The following MAP1B variants were observed in gnomAD, a reference collection of about 807,000 sequenced individuals.
MAP1B encodes microtubule associated protein 1B.
In MAP1B, 12 loss-of-function variants were observed where a neutral mutation model predicts 176.1. The ratio of observed to expected loss-of-function variants is 0.07; its 90% CI spans 0.04 to 0.11. MAP1B has a LOEUF of 0.11. Ranked by LOEUF, MAP1B falls within the 10% of genes least tolerant of loss-of-function variation. The pLI is 1.00. For missense variants in MAP1B, 2,523 were observed against 2,990.5 expected, an observed-to-expected ratio of 0.84 and a Z score of 3.65; for synonymous variants, 1,044 against 1,135.0, an observed-to-expected ratio of 0.92 and a Z score of 1.61.
chr5:72,116,024 A>T, intron 2 of MAP1B: 2 of 447,808 alleles, frequency 4.5e-6, no homozygotes, highest in Non-Finnish European at 8.3e-6. Flanking sequence ...TTTAAGTTCT[A>T]GGGTTGTGTA....
At position 72,186,685 on chromosome 5, in the gene MAP1B, C is replaced by T. The variant is rs377186967; in HGVS notation, c.441C>T (p.Thr147=). The T allele has an allele frequency of 2.9e-5, 47 of 1,613,918 alleles. No homozygotes were observed. Among genetic ancestry groups the T allele is most frequent in the East Asian group, 1.1e-4 (5 of 44,898 alleles). ...LVLTGQCFEN[T]GELILQSGSF... is the part of the protein sequence containing the mutation. The stretch of plus-strand genomic sequence containing the variant: ...TGACCGGGCAGTGCTTTGAAAATAC[C>T]GGAGAGCTCATTCTCCAGTCCGGCT... Residue 147 remains threonine (T), a synonymous_variant, in exon 4 of 7, where the codon ACC becomes ACT. Coordinates refer to ENST00000296755, the MANE Select transcript of MAP1B (RefSeq NM_005909.5). This position sits in a 1 kb window ranked among gnomAD's most constrained non-coding sequence, Gnocchi z 4.3.
At position 72,153,847 on chromosome 5, in the gene MAP1B, G is replaced by A. The variant is rs979324756; in HGVS notation, c.287-29896G>A. ...TCAGCTGTGGGACCTTATGAGCAGT[G>A]TTGCACAAAGACATTCCCCCCAAAG... On this transcript the variant is annotated intron_variant, in intron 2 of 6. Transcript: ENST00000296755. Among the ~76,000 whole-genome samples, 11 of 152,002 alleles carry A rather than the reference G, an allele frequency of 7.2e-5. 1 individual carries two copies. The highest frequency in any genetic ancestry group is 5.9e-4 in the Admixed American group (9 of 15,256).
Position 72,197,966 on chromosome 5 carries a change from C to T in MAP1B, c.4611C>T (p.Gly1537=), listed in dbSNP as rs372001399. The change falls in exon 5 of 7, where the codon GGC becomes GGT. Residue 1537 remains glycine (G), a synonymous_variant. Coordinates refer to ENST00000296755, the MANE Select transcript of MAP1B (RefSeq NM_005909.5). Reference sequence around the variant, plus strand: ...AGTCAGCTACTCCTGTTGATGAGGGCGTAGCAGAAGACACGTACTCTCATA... The same window carrying T: ...AGTCAGCTACTCCTGTTGATGAGGGTGTAGCAGAAGACACGTACTCTCATA... ...SDKSATPVDE[G]VAEDTYSHME... is the part of the protein sequence containing the mutation. 2.9e-5 allele frequency: 47 copies of T among 1,614,056 alleles called. No homozygotes were observed. The highest frequency in any genetic ancestry group is 5.5e-5 in the South Asian group (5 of 91,088).
In MAP1B at chr5:72,177,888, A is replaced by G. The variant is rs1746682695; in HGVS notation, c.287-5855A>G. ...TTACTTTGGTAAAGAGGTTGAGTTGAATAACTCTGACTCTATCATTTTCTC... is the reference window on the plus strand; with the variant it reads ...TTACTTTGGTAAAGAGGTTGAGTTGGATAACTCTGACTCTATCATTTTCTC... On this transcript the variant is annotated intron_variant, in intron 2 of 6. Transcript: ENST00000296755. Among the ~76,000 whole-genome samples, 3 of 152,190 alleles carry G rather than the reference A, an allele frequency of 2.0e-5. No homozygotes were observed. In the South Asian group the frequency reaches 6.2e-4, roughly 31 times the overall value.
chr5:72,155,222 T>A (rs1008431526), intron 2 of MAP1B, among the ~76,000 whole-genome samples: 3 of 152,234 alleles, frequency 2.0e-5, no homozygotes, highest in Admixed American at 6.5e-5. Flanking sequence ...TGGTACATTT[T>A]GCTCCCCCCA....
Position 72,110,661 on chromosome 5 carries a change from A to G in MAP1B, c.184+2946A>G, listed in dbSNP as rs576192859. On this transcript the variant is annotated intron_variant, in intron 1 of 6. Coordinates refer to ENST00000296755, the MANE Select transcript of MAP1B (RefSeq NM_005909.5). ...AGCTGCTCCAGGGGGGCCAGCTCTG[A>G]TGATTGTGTGTTGCAGGCTGGGAAG... Among the ~76,000 whole-genome samples the G allele has an allele frequency of 4.7e-4, 71 of 152,202 alleles. 2 individuals carry two copies. In the South Asian group the frequency reaches 0.014, roughly 31 times the overall value.
chr5:72,151,992 G>A (rs952389408), intron 2 of MAP1B, among the ~76,000 whole-genome samples: 7 of 152,222 alleles, frequency 4.6e-5, no homozygotes, highest in East Asian at 1.9e-4. Flanking sequence ...TTACATAACC[G>A]TGCTACTTTT....
intron 2 of MAP1B, among the ~76,000 whole-genome samples, chr5:72,174,790 G>T (rs1018957574): frequency 6.6e-6 from 1 of 152,228 alleles, no homozygotes; most frequent in Non-Finnish European, 1.5e-5. Flanking sequence ...TGTCATTAGA[G>T]CTTAAGTAAG....
intron 2 of MAP1B, chr5:72,179,828 T>C: frequency 1.0e-6 from 1 of 985,432 alleles, no homozygotes; most frequent in Non-Finnish European, 1.2e-6. Flanking sequence ...TCTCAATATT[T>C]CCAAAGATGG....
intron 2 of MAP1B, among the ~76,000 whole-genome samples, chr5:72,157,463 T>G (rs1746246967): frequency 6.6e-6 from 1 of 152,234 alleles, no homozygotes; most frequent in African/African-American, 2.4e-5. Context: ...GGTCAACAGC[T>G]GCAGCTGTGG....
chr5:72,171,747 T>C (rs1229761747), intron 2 of MAP1B, among the ~76,000 whole-genome samples: 1 of 152,162 alleles, frequency 6.6e-6, no homozygotes, highest in African/African-American at 2.4e-5. Context: ...GAATCAGGAC[T>C]GTGCCCCTGG....
chr5:72,129,708 C>A (rs1745695285), intron 2 of MAP1B, among the ~76,000 whole-genome samples: 1 of 152,144 alleles, frequency 6.6e-6, no homozygotes, highest in African/African-American at 2.4e-5. Flanking sequence ...TTTCTTCTCT[C>A]CTTCTTCTTT....
chr5:72,154,614 G>A (rs756388712), intron 2 of MAP1B, among the ~76,000 whole-genome samples: 23 of 152,178 alleles, frequency 1.5e-4, no homozygotes, highest in Admixed American at 2.6e-4. Flanking sequence ...AACAAACACA[G>A]GTCCCCTACC....
intron 2 of MAP1B, among the ~76,000 whole-genome samples, chr5:72,119,973 G>T (rs1197114598): frequency 6.6e-6 from 1 of 152,000 alleles, no homozygotes; most frequent in East Asian, 1.9e-4. Context: ...TGCTGTACAG[G>T]GTTTATTTCA....
At chr5:72,117,340 T>G (rs1458353874) in intron 2 of MAP1B, among the ~76,000 whole-genome samples, 1 of 152,232 alleles carries the variant, frequency 6.6e-6, no homozygotes, top group Non-Finnish European at 1.5e-5. Context: ...TATTTCAAAA[T>G]GTAAAAACTA....
intron 2 of MAP1B, among the ~76,000 whole-genome samples, chr5:72,117,360 A>AT (rs964146625): frequency 7.9e-5 from 12 of 152,034 alleles, no homozygotes; most frequent in Non-Finnish European, 1.5e-4. Flanking sequence ...ACAAGCTTTT[A>AT]TTTTTTCTCT....
rs186441652 is a variant in MAP1B, at chr5:72,174,580, C to T, written c.287-9163C>T. Among the ~76,000 whole-genome samples, 3 of 152,318 alleles carry T rather than the reference C, an allele frequency of 2.0e-5. No homozygotes were observed. In the East Asian group the frequency reaches 5.8e-4, roughly 29 times the overall value. On this transcript the variant is annotated intron_variant, in intron 2 of 6. Transcript: ENST00000296755. Reference sequence around the variant, plus strand: ...TACACTGTATGAGTGACAAATCCTGCTAGGCTTGCGGGGGCCACATTTCCT... The same window carrying T: ...TACACTGTATGAGTGACAAATCCTGTTAGGCTTGCGGGGGCCACATTTCCT...
intron 2 of MAP1B, among the ~76,000 whole-genome samples, chr5:72,131,827 T>C (rs1333730841): frequency 6.6e-6 from 1 of 152,324 alleles, no homozygotes; most frequent in East Asian, 1.9e-4. Flanking sequence ...ACCTGGTCAT[T>C]GTTAGGCCAG....
At chr5:72,158,520 A>G (rs922982438) in intron 2 of MAP1B, among the ~76,000 whole-genome samples, 23 of 152,160 alleles carry the variant, frequency 1.5e-4, no homozygotes, top group African/African-American at 5.1e-4. Context: ...GAGCTGCCCT[A>G]TGGTTGAAGG....
Sources: gnomAD v4.1 joint callset for allele counts (sites outside exome capture counted in the v4.1 genomes callset) on GRCh38, gnomAD v4.1.1 for gene constraint, Gnocchi (gnomAD v3.1) non-coding constraint, MANE v1.5 for transcripts, NCBI Gene and HGNC (gene_info 2026-07-23, HGNC 2026-07-21) for gene names.